LIFR: variants seen among roughly 807,000 people sequenced by gnomAD.
LIFR encodes the protein LIF receptor subunit alpha.
LIFR carries 84 observed loss-of-function variants against 122.2 expected under a neutral mutation model. The ratio of observed to expected loss-of-function variants is 0.69; its 90% CI spans 0.58 to 0.82. The LOEUF (loss-of-function observed/expected upper bound fraction) is 0.82, where lower values mean the gene tolerates loss of function less well. Among genes scored for constraint, LIFR ranks in the 40% least tolerant of loss-of-function variants. The pLI is 0.00. For missense variants in LIFR, 1,294 were observed against 1,311.6 expected (o/e 0.99, Z 0.21); for synonymous variants, 422 against 434.7 (o/e 0.97, Z 0.36).
At chr5:38,547,424 T>C (rs1287861177) in intron 1 of LIFR, among the ~76,000 whole-genome samples, 1 of 152,184 alleles carries the variant, frequency 6.6e-6, no homozygotes, top group Non-Finnish European at 1.5e-5. Flanking sequence ...CAACCTGTGA[T>C]GTAACTTATC....
At chr5:38,514,951 C>T (rs1745995909) in intron 5 of LIFR, among the ~76,000 whole-genome samples, 2 of 152,028 alleles carry the variant, frequency 1.3e-5, no homozygotes, top group African/African-American at 2.4e-5. Flanking sequence ...GGAAGCAATC[C>T]CCCAAAAGAT....
At chr5:38,585,634 C>T (rs534249715) in intron 1 of LIFR, among the ~76,000 whole-genome samples, 1 of 152,160 alleles carries the variant, frequency 6.6e-6, no homozygotes, top group East Asian at 1.9e-4. Context: ...ACCTGGACAT[C>T]AGGAAGGCCC....
At chr5:38,507,014 T>C (rs1745522487) in intron 7 of LIFR, among the ~76,000 whole-genome samples, 1 of 152,168 alleles carries the variant, frequency 6.6e-6, no homozygotes, top group Non-Finnish European at 1.5e-5. Flanking sequence ...CTATCATCAA[T>C]ATACTGTGAT....
At chr5:38,578,207 CT>C (rs3079294) in intron 1 of LIFR, among the ~76,000 whole-genome samples, 33 of 123,454 alleles carry the variant, frequency 2.7e-4, no homozygotes, top group Admixed American at 5.4e-4. Flanking sequence ...TTTTCTTTTT[CT>C]TTTTTTTTTT....
Position 38,485,644 on chromosome 5 carries a change from A to G in LIFR, c.2497+175T>C, listed in dbSNP as rs553750710. On this transcript the variant is annotated intron_variant, in intron 17 of 19. Coordinates refer to ENST00000453190, the MANE Select transcript of LIFR (RefSeq NM_001127671.2). ...GAAATAACTTCAAATAACTGACAAG[A>G]ATAAACATGAAGTAATCTTACAGCT... 389 of 655,994 alleles carry G rather than the reference A, an allele frequency of 5.9e-4. 1 individual carries two copies. The highest frequency in any genetic ancestry group is 5.2e-3 in the African/African-American group (288 of 55,162). 40.6% of individuals were successfully genotyped at this position (655,994 alleles called of 1,614,324 possible).
chr5:38,484,754 G>A (rs1336739949), intron 18 of LIFR, 21 bp downstream of exon 18: 2 of 1,489,734 alleles, frequency 1.3e-6, no homozygotes, highest in South Asian at 2.3e-5. Flanking sequence ...AAAACAGCAA[G>A]AGTAAATGCA....
intron 1 of LIFR, among the ~76,000 whole-genome samples, chr5:38,540,280 G>C (rs1747519516): frequency 6.6e-6 from 1 of 152,138 alleles, no homozygotes; most frequent in African/African-American, 2.4e-5. Context: ...AACCTTGTTT[G>C]TCACCTGCAG....
chr5:38,569,420 C>A (rs1397293872), intron 1 of LIFR, among the ~76,000 whole-genome samples: 1 of 151,856 alleles, frequency 6.6e-6, no homozygotes, highest in East Asian at 1.9e-4. Flanking sequence ...GAGAAGCAGG[C>A]AAGCGAGCAT....
chr5:38,516,606 G>A (rs1487938426), intron 5 of LIFR, among the ~76,000 whole-genome samples: 2 of 152,204 alleles, frequency 1.3e-5, no homozygotes, highest in Non-Finnish European at 2.9e-5. Flanking sequence ...TACACTGTTG[G>A]TGGGAGTGTG....
At chr5:38,589,602 C>T (rs1422591558) in intron 1 of LIFR, among the ~76,000 whole-genome samples, 1 of 151,994 alleles carries the variant, frequency 6.6e-6, no homozygotes, top group Non-Finnish European at 1.5e-5. Flanking sequence ...GATTTGATAA[C>T]CTTATTCCAT....
At chr5:38,542,400 C>T (rs1747640506) in intron 1 of LIFR, among the ~76,000 whole-genome samples, 1 of 152,100 alleles carries the variant, frequency 6.6e-6, no homozygotes, top group Admixed American at 6.5e-5. Flanking sequence ...TTATGACTAC[C>T]ACTTGTGCCA....
chr5:38,493,476 C>G (rs1744706794), intron 14 of LIFR, 130 bp downstream of exon 14: 1 of 821,680 alleles, frequency 1.2e-6, no homozygotes, highest in South Asian at 1.5e-5. Context: ...CACAACTACC[C>G]TCCCAGGAAA....
intron 16 of LIFR, among the ~76,000 whole-genome samples, chr5:38,486,951 T>C (rs1474673740): frequency 2.0e-5 from 3 of 152,220 alleles, no homozygotes; most frequent in Non-Finnish European, 1.5e-5. Context: ...TGTTTTCCCA[T>C]TGTTATAACT....
At chr5:38,573,653 C>T (rs1190660195) in intron 1 of LIFR, among the ~76,000 whole-genome samples, 2 of 152,200 alleles carry the variant, frequency 1.3e-5, no homozygotes, top group African/African-American at 4.8e-5. Context: ...TAATTTCAGA[C>T]ATGATCAGAT....
At chr5:38,529,672 G>C (rs1460046111) in intron 2 of LIFR, among the ~76,000 whole-genome samples, 1 of 151,332 alleles carries the variant, frequency 6.6e-6, no homozygotes, top group Non-Finnish European at 1.5e-5. Flanking sequence ...AAGAAAGGAG[G>C]GAAACAAGGG....
intron 1 of LIFR, among the ~76,000 whole-genome samples, chr5:38,584,358 A>G (rs1749680708): frequency 6.6e-6 from 1 of 152,142 alleles, no homozygotes; most frequent in South Asian, 2.1e-4. Context: ...GTATACACAC[A>G]AAGATGAAAT....
intron 1 of LIFR, among the ~76,000 whole-genome samples, chr5:38,568,013 T>C (rs573450390): frequency 6.2e-4 from 94 of 152,206 alleles, no homozygotes; most frequent in Non-Finnish European, 1.1e-3. Context: ...CTATTCAAAA[T>C]TGAACTGATA....
chr5:38,603,537 C>A (rs6872098), intron 2 of LIFR, among the ~76,000 whole-genome samples: 47,680 of 152,038 alleles, frequency 0.31, 8,303 homozygotes, highest in Middle Eastern at 0.39. Flanking sequence ...CAGGGAAAGA[C>A]CCTTAAGCAG....
At chr5:38,576,378 A>T (rs1387448648) in intron 1 of LIFR, among the ~76,000 whole-genome samples, 1 of 152,190 alleles carries the variant, frequency 6.6e-6, no homozygotes. Context: ...TCAATTTCTT[A>T]CAGGTAAGAG....
Sources: allele counts gnomAD v4.1 joint callset (sites outside exome capture counted in the v4.1 genomes callset), GRCh38; gene constraint gnomAD v4.1.1; transcripts MANE v1.5; gene names NCBI Gene and HGNC (gene_info 2026-07-23, HGNC 2026-07-21).